Variants in ANKS1B observed in about 807,000 individuals in gnomAD.
The protein encoded by ANKS1B is ankyrin repeat and sterile alpha motif domain containing 1B, also known as ankyrin repeat and sterile alpha motif domain-containing protein 1B.
ANKS1B carries 36 observed loss-of-function variants against 148.3 expected under a neutral mutation model. The ratio of observed to expected loss-of-function variants is 0.24; its 90% CI spans 0.19 to 0.32. The LOEUF (loss-of-function observed/expected upper bound fraction) is 0.32, where lower values mean the gene tolerates loss of function less well. Ranked by LOEUF, ANKS1B falls within the 10% of genes least tolerant of loss-of-function variation. The probability of loss-of-function intolerance (pLI) is 1.00; values close to 1 mark genes in which losing one functional copy is unlikely to be tolerated. For missense variants in ANKS1B, 1,157 were observed against 1,542.6 expected, an observed-to-expected ratio of 0.75 and a Z score of 4.19; for synonymous variants, 542 against 560.8, an observed-to-expected ratio of 0.97 and a Z score of 0.47.
At chr12:99,544,295 A>G (rs1053352915) in intron 9 of ANKS1B, among the ~76,000 whole-genome samples, 1 of 152,148 alleles carries the variant, frequency 6.6e-6, no homozygotes, top group African/African-American at 2.4e-5. Context: ...TGATTCTGAT[A>G]TCAGTGACAG....
intron 17 of ANKS1B, among the ~76,000 whole-genome samples, chr12:98,969,310 A>T (rs2099881220): frequency 6.6e-6 from 1 of 152,214 alleles, no homozygotes; most frequent in Admixed American, 6.5e-5. Context: ...CCATAGCCAA[A>T]CAGGATAGCA....
intron 9 of ANKS1B, among the ~76,000 whole-genome samples, chr12:99,552,419 AG>A (rs35500946): frequency 6.6e-6 from 1 of 152,214 alleles, no homozygotes; most frequent in Non-Finnish European, 1.5e-5. Context: ...AAGCAAAATG[AG>A]GGCAAGTTTC....
At chr12:98,894,019 C>A (rs2099758174) in intron 17 of ANKS1B, among the ~76,000 whole-genome samples, 1 of 152,200 alleles carries the variant, frequency 6.6e-6, no homozygotes, top group Admixed American at 6.5e-5. Flanking sequence ...CTGACCCGAC[C>A]TTCACCGAAG....
chr12:99,232,945 C>T (rs184524162), intron 14 of ANKS1B, among the ~76,000 whole-genome samples: 15 of 151,994 alleles, frequency 9.9e-5, no homozygotes, highest in Admixed American at 5.9e-4. Flanking sequence ...ATCTGAAATC[C>T]GAAATGCTCC....
intron 17 of ANKS1B, among the ~76,000 whole-genome samples, chr12:99,015,821 A>C (rs758977904): frequency 3.3e-5 from 5 of 152,130 alleles, no homozygotes; most frequent in African/African-American, 4.8e-5. Flanking sequence ...AGCTGAGATC[A>C]CGCCACTGCA....
At chr12:99,231,388 T>C (rs1442876129) in intron 14 of ANKS1B, among the ~76,000 whole-genome samples, 1 of 152,160 alleles carries the variant, frequency 6.6e-6, no homozygotes, top group Non-Finnish European at 1.5e-5. Context: ...GTCAGCAGCA[T>C]ATTTTATTGA....
chr12:99,407,738 G>A (rs1201644584), intron 11 of ANKS1B, among the ~76,000 whole-genome samples: 2 of 145,344 alleles, frequency 1.4e-5, no homozygotes, highest in Non-Finnish European at 3.0e-5. Flanking sequence ...GAACAAAGAA[G>A]TCTCATTTAC....
intron 8 of ANKS1B, among the ~76,000 whole-genome samples, chr12:99,719,354 A>G (rs12321162): frequency 0.67 from 101,630 of 151,556 alleles, 34,169 homozygotes; most frequent in Non-Finnish European, 0.7. Context: ...ACTTCAATCC[A>G]GCCTCCCACA....
intron 1 of ANKS1B, among the ~76,000 whole-genome samples, chr12:99,958,244 G>A (rs572408096): frequency 9.9e-5 from 15 of 152,244 alleles, no homozygotes; most frequent in East Asian, 5.8e-4. Flanking sequence ...GAATTGAGTC[G>A]GGTTGGAGAG....
intron 8 of ANKS1B, among the ~76,000 whole-genome samples, chr12:99,739,966 G>T (rs1482061482): frequency 6.6e-6 from 1 of 151,784 alleles, no homozygotes; most frequent in Non-Finnish European, 1.5e-5. Flanking sequence ...TTTACCTTCT[G>T]TCTCCTCCCA....
At chr12:98,884,431 T>A (rs542508789) in intron 17 of ANKS1B, among the ~76,000 whole-genome samples, 2 of 152,354 alleles carry the variant, frequency 1.3e-5, no homozygotes, top group Admixed American at 6.5e-5. Context: ...GATTAGTATA[T>A]ATTCATCATA....
At chr12:99,300,244 C>T (rs772535670) in intron 12 of ANKS1B, among the ~76,000 whole-genome samples, 1 of 150,208 alleles carries the variant, frequency 6.7e-6, no homozygotes, top group African/African-American at 2.5e-5. Context: ...AAAGATGTAC[C>T]AATGAGTTCA....
intron 9 of ANKS1B, among the ~76,000 whole-genome samples, chr12:99,631,331 G>A (rs2098158742): frequency 6.6e-6 from 1 of 152,078 alleles, no homozygotes; most frequent in South Asian, 2.1e-4. Flanking sequence ...CCGAGAAGTG[G>A]AGTGTTGCTG....
chr12:99,184,333 G>T (rs956199052), intron 14 of ANKS1B, among the ~76,000 whole-genome samples: 2 of 152,192 alleles, frequency 1.3e-5, no homozygotes, highest in African/African-American at 2.4e-5. Context: ...AGATAAGAAG[G>T]TTTCATGGTG....
At chr12:99,344,473 G>A (rs1158529784) in intron 12 of ANKS1B, among the ~76,000 whole-genome samples, 1 of 151,950 alleles carries the variant, frequency 6.6e-6, no homozygotes, top group Non-Finnish European at 1.5e-5. Flanking sequence ...TCAAAACAAG[G>A]TTGAAATGAT....
chr12:99,037,672 T>A (rs759489146), intron 17 of ANKS1B, among the ~76,000 whole-genome samples: 7 of 152,216 alleles, frequency 4.6e-5, no homozygotes, highest in Non-Finnish European at 7.3e-5. Context: ...TCACTGTGTT[T>A]TAGCGTCTGA....
chr12:98,855,495 T>C (rs1033064760), intron 17 of ANKS1B, among the ~76,000 whole-genome samples: 15 of 152,242 alleles, frequency 9.9e-5, no homozygotes, highest in Non-Finnish European at 1.8e-4. Context: ...ATATTTAATT[T>C]TACGATGTTA....
At chr12:99,528,385 A>G (rs2096950284) in intron 9 of ANKS1B, among the ~76,000 whole-genome samples, 1 of 151,738 alleles carries the variant, frequency 6.6e-6, no homozygotes, top group South Asian at 2.1e-4. Context: ...GGACCTAATT[A>G]AACTAAAGAG....
chr12:98,789,138 T>C (rs2098824322), intron 22 of ANKS1B, among the ~76,000 whole-genome samples: 1 of 150,314 alleles, frequency 6.7e-6, no homozygotes, highest in Non-Finnish European at 1.5e-5. Flanking sequence ...AGATCAGGAG[T>C]TCAAGATTAG....
Sources: allele counts gnomAD v4.1 joint callset (sites outside exome capture counted in the v4.1 genomes callset), GRCh38; gene constraint gnomAD v4.1.1; transcripts MANE v1.5; gene names NCBI Gene and HGNC (gene_info 2026-07-23, HGNC 2026-07-21).